The following MS4A6E variants were observed in gnomAD, a reference collection of about 807,000 sequenced individuals.
MS4A6E encodes membrane spanning 4-domains A6E, also known as membrane-spanning 4-domains subfamily A member 6E.
In MS4A6E, 8 loss-of-function variants were observed where a neutral mutation model predicts 13.2. That is an observed-to-expected ratio of 0.60 (90% CI 0.35 to 1.09). The LOEUF (loss-of-function observed/expected upper bound fraction) is 1.09. Ranked by LOEUF, MS4A6E falls within the 50% of genes least tolerant of loss-of-function variation. MS4A6E has a pLI of 0.02. For synonymous variants in MS4A6E, 72 were observed against 67.6 expected (o/e 1.06, Z -0.32); for missense variants, 177 against 171.1 (o/e 1.03, Z -0.19).
At position 60,337,146 on chromosome 11, in the gene MS4A6E, A is replaced by G. The variant is rs565303586; in HGVS notation, c.148-595A>G. Among the ~76,000 whole-genome samples, 4 of 152,246 alleles carry G rather than the reference A, an allele frequency of 2.6e-5. No individual in the cohort carries two copies. In the East Asian group the frequency reaches 7.7e-4, roughly 29 times the overall value. ...CCAGTCATATGCCTGCCCAGGTTCCAGGGCCTGCCTGAGACTCAGAACCAC... is the reference window on the plus strand; with the variant it reads ...CCAGTCATATGCCTGCCCAGGTTCCGGGGCCTGCCTGAGACTCAGAACCAC... On this transcript the variant is annotated intron_variant, in intron 2 of 4. Coordinates refer to ENST00000684409, the MANE Select transcript of MS4A6E (RefSeq NM_139249.4).
intron 2 of MS4A6E, among the ~76,000 whole-genome samples, chr11:60,336,838 C>A (rs146598752): frequency 2.0e-5 from 3 of 152,260 alleles, no homozygotes; most frequent in African/African-American, 7.2e-5. Context: ...GAGCTCAGTT[C>A]TCTTTTCTGT....
intron 1 of MS4A6E, among the ~76,000 whole-genome samples, chr11:60,333,998 G>C (rs1399689545): frequency 2.6e-5 from 4 of 152,196 alleles, no homozygotes; most frequent in African/African-American, 7.2e-5. Flanking sequence ...GATACAGTGA[G>C]ACTCGATCTG....
intron 4 of MS4A6E, among the ~76,000 whole-genome samples, chr11:60,346,493 T>G (rs1006064777): frequency 1.3e-5 from 2 of 152,220 alleles, no homozygotes; most frequent in Non-Finnish European, 2.9e-5. Context: ...GGATGAGCCA[T>G]CCCTTGACTG....
intron 4 of MS4A6E, among the ~76,000 whole-genome samples, chr11:60,348,077 A>G (rs1336455928): frequency 6.6e-6 from 1 of 152,132 alleles, no homozygotes; most frequent in Non-Finnish European, 1.5e-5. Flanking sequence ...AGGTTTCTTT[A>G]AAAAACCCAG....
At position 60,339,950 on chromosome 11, in the gene MS4A6E, G is replaced by A. The variant is rs758472668; in HGVS notation, c.439G>A (p.Val147Ile). ...LTAVLQWKQT[V>I] is the part of the protein sequence containing the mutation. The stretch of plus-strand genomic sequence containing the variant: ...TGCTGTGCTGCAGTGGAAACAGACT[G>A]TCTGACTTCCCTGGGTGAGTGTGCT... Residue 147 changes from valine (V) to isoleucine (I), a missense_variant, in exon 4 of 5, where the codon GTC becomes ATC. By Grantham distance (29) the Val-to-Ile change is conservative. Coordinates refer to ENST00000684409, the MANE Select transcript of MS4A6E (RefSeq NM_139249.4). 4.3e-6 allele frequency: 7 copies of A among 1,613,464 alleles called. No homozygotes were observed. The South Asian group carries it at 4.4e-5, about 10-fold the overall frequency.
intron 1 of MS4A6E, among the ~76,000 whole-genome samples, chr11:60,331,336 T>C (rs148722070): frequency 1.8e-4 from 27 of 152,270 alleles, no homozygotes; most frequent in African/African-American, 5.5e-4. Context: ...TATGTGTTTA[T>C]ATATAAATAA....
At chr11:60,332,184 T>C (rs1343946372) in intron 1 of MS4A6E, among the ~76,000 whole-genome samples, 1 of 152,232 alleles carries the variant, frequency 6.6e-6, no homozygotes, top group African/African-American at 2.4e-5. Context: ...TCAAAAAATA[T>C]TTTCACTGAA....
At chr11:60,331,313 T>C (rs1166362473) in intron 1 of MS4A6E, among the ~76,000 whole-genome samples, 1 of 152,146 alleles carries the variant, frequency 6.6e-6, no homozygotes, top group African/African-American at 2.4e-5. Flanking sequence ...AATATGAGGA[T>C]AATGGAGGGG....
At chr11:60,344,510 A>G (rs1437725278), downstream of MS4A6E, among the ~76,000 whole-genome samples, 2 of 152,232 alleles carry the variant, frequency 1.3e-5, no homozygotes, top group East Asian at 1.9e-4. Context: ...CTCTGGGCAC[A>G]TTGATGAGTT....
At chr11:60,332,354 T>C (rs1026039729) in intron 1 of MS4A6E, among the ~76,000 whole-genome samples, 2 of 152,226 alleles carry the variant, frequency 1.3e-5, no homozygotes, top group Non-Finnish European at 2.9e-5. Flanking sequence ...AGTAAACTCT[T>C]AGATAAATTG....
At chr11:60,347,894 T>C (rs182731577) in intron 4 of MS4A6E, among the ~76,000 whole-genome samples, 1 of 152,324 alleles carries the variant, frequency 6.6e-6, no homozygotes, top group East Asian at 1.9e-4. Flanking sequence ...AAAGGCTATG[T>C]AATAGTTACA....
chr11:60,343,904 G>A (rs2085244303), downstream of MS4A6E, among the ~76,000 whole-genome samples: 1 of 152,202 alleles, frequency 6.6e-6, no homozygotes, highest in African/African-American at 2.4e-5. Context: ...CTGCTGAGGG[G>A]GTTGAAAGAA....
chr11:60,327,263 C>T lies in MS4A6E; in HGVS notation c.-160C>T, dbSNP rs1032215813. ...CACAAGACATTTGGACTATTTCACC[C>T]TTCCATTCATTCCACCATGTGAGGA... On this transcript the variant is annotated 5_prime_UTR_variant, in exon 1 of 5. Coordinates refer to ENST00000684409, the MANE Select transcript of MS4A6E (RefSeq NM_139249.4). Among the ~76,000 whole-genome samples, 4 of 152,172 alleles carry T rather than the reference C, an allele frequency of 2.6e-5. No homozygotes were observed. The highest frequency in any genetic ancestry group is 6.5e-5 in the Admixed American group (1 of 15,280).
downstream of MS4A6E, among the ~76,000 whole-genome samples, chr11:60,342,432 G>T (rs2085234032): frequency 6.6e-6 from 1 of 151,892 alleles, no homozygotes; most frequent in Non-Finnish European, 1.5e-5. Flanking sequence ...AAAGAAGAGT[G>T]CTTCCTCATG....
intron 2 of MS4A6E, 84 bp from the exon 3 acceptor site, chr11:60,337,657 A>G: frequency 6.6e-7 from 1 of 1,512,108 alleles, no homozygotes; most frequent in Non-Finnish European, 9.2e-7. Flanking sequence ...AGATAAGGGA[A>G]TAACTTGCAA....
At chr11:60,333,536 G>A (rs1379732706) in intron 1 of MS4A6E, among the ~76,000 whole-genome samples, 1 of 152,198 alleles carries the variant, frequency 6.6e-6, no homozygotes, top group African/African-American at 2.4e-5. Flanking sequence ...ATAAGAGAAG[G>A]ACACATGTCC....
rs368862085 is a variant in MS4A6E at position 60,340,984 on chromosome 11, T to C, written c.*218T>C. The C allele has an allele frequency of 6.6e-6, 1 of 152,294 alleles. No homozygotes were observed. Among genetic ancestry groups the C allele is most frequent in the Non-Finnish European group, 1.5e-5 (1 of 68,046 alleles). The allele number at this position is 152,294 out of a possible 1,614,324, so 9.4% of individuals were successfully genotyped here. ...TAAAAAATTATTTCGCTGTCATTTA[T>C]GATATGTGTTCATTGGGGATCTCTT... On this transcript the variant is annotated 3_prime_UTR_variant, in exon 5 of 5. Transcript: ENST00000684409.
At position 60,327,299 on chromosome 11, in the gene MS4A6E, C is replaced by T. The variant is rs143358570; in HGVS notation, c.-124C>T. Among the ~76,000 whole-genome samples, 592 of 152,290 alleles carry T rather than the reference C, an allele frequency of 3.9e-3. 2 individuals are homozygous for T. The highest frequency in any genetic ancestry group is 4.9e-3 in the Non-Finnish European group (333 of 68,032). On this transcript the variant is annotated 5_prime_UTR_variant, in exon 1 of 5. Transcript: ENST00000684409. ...TCCACCATGTGAGGACACAGTTTGT[C>T]CTATCTGGAAGATGCAGCAACAAGA... is the stretch of plus-strand genomic sequence containing the variant.
chr11:60,343,032 G>A (rs2085237621), downstream of MS4A6E, among the ~76,000 whole-genome samples: 1 of 152,110 alleles, frequency 6.6e-6, no homozygotes, highest in Admixed American at 6.5e-5. Context: ...CATCTAGTGG[G>A]GACAGCAGCT....
Sources: allele counts gnomAD v4.1 joint callset (sites outside exome capture counted in the v4.1 genomes callset), GRCh38; gene constraint gnomAD v4.1.1; transcripts MANE v1.5; gene names NCBI Gene and HGNC (gene_info 2026-07-23, HGNC 2026-07-21).